SGCZ: variants seen among roughly 807,000 people sequenced by gnomAD.
SGCZ encodes the protein sarcoglycan zeta.
Under a neutral mutation model 41.3 loss-of-function variants are expected in SGCZ, and 40 were observed. The observed-to-expected ratio is 0.97, with a 90% CI of 0.75 to 1.26. The LOEUF (loss-of-function observed/expected upper bound fraction) is 1.26. Among genes scored for constraint, SGCZ ranks in the 50% most tolerant of loss-of-function variants. SGCZ has a pLI of 0.00. For missense variants in SGCZ, 552 were observed against 369.8 expected, an observed-to-expected ratio of 1.49 and a Z score of -4.04; for synonymous variants, 206 against 137.5, an observed-to-expected ratio of 1.50 and a Z score of -3.49.
intron 1 of SGCZ, among the ~76,000 whole-genome samples, chr8:14,621,815 C>T (rs1158204403): frequency 6.6e-6 from 1 of 152,054 alleles, no homozygotes; most frequent in African/African-American, 2.4e-5. Context: ...TACAATTTGA[C>T]CTGAGATTTG....
intron 3 of SGCZ, among the ~76,000 whole-genome samples, chr8:14,320,404 G>A (rs952570209): frequency 1.3e-5 from 2 of 151,342 alleles, no homozygotes; most frequent in South Asian, 2.1e-4. Context: ...TGCTGTGCTC[G>A]CCTGGCCCCA....
At chr8:14,249,114 C>T (rs1262059396) in intron 3 of SGCZ, among the ~76,000 whole-genome samples, 1 of 152,062 alleles carries the variant, frequency 6.6e-6, no homozygotes, top group Non-Finnish European at 1.5e-5. Flanking sequence ...ACATTTGAAT[C>T]AGTAGTCCCA....
At chr8:14,595,650 C>T (rs970869530) in intron 1 of SGCZ, among the ~76,000 whole-genome samples, 28 of 152,142 alleles carry the variant, frequency 1.8e-4, no homozygotes, top group African/African-American at 6.8e-4. Context: ...TTTATGAGGG[C>T]ATCAAAATGC....
intron 1 of SGCZ, among the ~76,000 whole-genome samples, chr8:14,789,147 A>T (rs1030708430): frequency 3.3e-5 from 5 of 152,150 alleles, no homozygotes; most frequent in Non-Finnish European, 5.9e-5. Flanking sequence ...TTGTGTTTAC[A>T]AACACTGGGC....
At chr8:14,656,502 C>T (rs868638640) in intron 1 of SGCZ, among the ~76,000 whole-genome samples, 5 of 145,482 alleles carry the variant, frequency 3.4e-5, no homozygotes, top group Admixed American at 7.1e-5. Flanking sequence ...TTCCTCCTCT[C>T]CTCTCCTTCC....
chr8:15,038,889 A>T (rs1175267870), intron 1 of SGCZ, among the ~76,000 whole-genome samples: 1 of 152,066 alleles, frequency 6.6e-6, no homozygotes. Context: ...ACTGCTTAAC[A>T]TCACTAATCA....
At chr8:14,211,650 GGAGA>G (rs35869144) in intron 4 of SGCZ, among the ~76,000 whole-genome samples, 14 of 150,048 alleles carry the variant, frequency 9.3e-5, no homozygotes, top group Admixed American at 2.0e-4. Context: ...CAATTAAGCA[GGAGA>G]GAGAGAGAGA....
At chr8:14,897,336 C>G (rs898575528) in intron 1 of SGCZ, among the ~76,000 whole-genome samples, 1 of 152,136 alleles carries the variant, frequency 6.6e-6, no homozygotes, top group African/African-American at 2.4e-5. Flanking sequence ...AAAGTGAAAG[C>G]ACTGCTTAAG....
At chr8:14,904,661 C>A (rs933869003) in intron 1 of SGCZ, among the ~76,000 whole-genome samples, 1 of 151,912 alleles carries the variant, frequency 6.6e-6, no homozygotes, top group African/African-American at 2.4e-5. Flanking sequence ...GAAAGAGATT[C>A]TCTCCTCAAT....
chr8:14,318,027 T>C (rs920966764), intron 3 of SGCZ, among the ~76,000 whole-genome samples: 3 of 151,742 alleles, frequency 2.0e-5, no homozygotes, highest in Admixed American at 1.3e-4. Flanking sequence ...AGTATATCAG[T>C]AGAACAGCAT....
intron 1 of SGCZ, among the ~76,000 whole-genome samples, chr8:14,703,521 G>A (rs923304366): frequency 6.6e-6 from 1 of 151,906 alleles, no homozygotes; most frequent in Non-Finnish European, 1.5e-5. Context: ...TCATATTGCT[G>A]AATATTGCCT....
In SGCZ at chr8:14,626,897, G is replaced by T. The variant is rs183048796; in HGVS notation, c.40-71971C>A. 5.3e-5 allele frequency among the ~76,000 whole-genome samples: 8 copies of T among 152,114 alleles called. No homozygotes were observed. The East Asian group carries it at 7.7e-4, about 15-fold the overall frequency. ...GTGATGGTAGCAAACTAATAAACTG[G>T]CTCATATTTATCTGTAGGTTGAGAT... On this transcript the variant is annotated intron_variant, in intron 1 of 7. Transcript: ENST00000382080.
At chr8:14,187,944 G>GA (rs1353636054) in intron 4 of SGCZ, among the ~76,000 whole-genome samples, 1 of 152,048 alleles carries the variant, frequency 6.6e-6, no homozygotes, top group African/African-American at 2.4e-5. Context: ...AGGAGCAAGA[G>GA]AAAAATGACT....
At chr8:14,092,562 A>T (rs1801718605) in intron 7 of SGCZ, among the ~76,000 whole-genome samples, 1 of 151,864 alleles carries the variant, frequency 6.6e-6, no homozygotes, top group African/African-American at 2.4e-5. Context: ...TGTGGGAGGG[A>T]CCCAGTGGGA....
intron 4 of SGCZ, among the ~76,000 whole-genome samples, chr8:14,215,100 T>G (rs977497570): frequency 8.5e-5 from 13 of 152,090 alleles, no homozygotes; most frequent in African/African-American, 2.7e-4. Context: ...CTTCATCAAA[T>G]AAAGCACTTC....
intron 1 of SGCZ, among the ~76,000 whole-genome samples, chr8:14,648,983 T>G (rs1807311876): frequency 6.6e-6 from 1 of 152,082 alleles, no homozygotes; most frequent in Non-Finnish European, 1.5e-5. Context: ...TTCAAAACAT[T>G]TATACTTTTT....
At chr8:14,875,045 G>A (rs1175300387) in intron 1 of SGCZ, among the ~76,000 whole-genome samples, 1 of 152,110 alleles carries the variant, frequency 6.6e-6, no homozygotes, top group Non-Finnish European at 1.5e-5. Flanking sequence ...TGTGTGTATT[G>A]CTATAACAAA....
intron 1 of SGCZ, among the ~76,000 whole-genome samples, chr8:14,875,237 G>C (rs1331094832): frequency 6.6e-6 from 1 of 152,152 alleles, no homozygotes; most frequent in Non-Finnish European, 1.5e-5. Flanking sequence ...CATGACAGAA[G>C]ACACAGAAAG....
At chr8:14,353,425 A>G (rs1387534917) in intron 2 of SGCZ, among the ~76,000 whole-genome samples, 1 of 151,748 alleles carries the variant, frequency 6.6e-6, no homozygotes, top group East Asian at 1.9e-4. Context: ...TACTCACATA[A>G]CTCTTTAGAA....
Sources: gnomAD v4.1 joint callset for allele counts (sites outside exome capture counted in the v4.1 genomes callset) on GRCh38, gnomAD v4.1.1 for gene constraint, MANE v1.5 for transcripts, NCBI Gene and HGNC (gene_info 2026-07-23, HGNC 2026-07-21) for gene names.